Variants in PLCD3 observed in about 807,000 individuals in gnomAD.
The protein encoded by PLCD3 is phospholipase C delta 3, also known as 1-phosphatidylinositol 4,5-bisphosphate phosphodiesterase delta-3.
Under a neutral mutation model 82.8 loss-of-function variants are expected in PLCD3, and 62 were observed. The observed-to-expected ratio is 0.75, with a 90% CI of 0.61 to 0.93. The LOEUF is 0.93. Among genes scored for constraint, PLCD3 ranks in the 40% least tolerant of loss-of-function variants. The pLI is 0.00. For missense variants in PLCD3, 1,023 were observed against 1,103.4 expected (o/e 0.93, Z 1.03); for synonymous variants, 478 against 471.8 (o/e 1.01, Z -0.17).
At chr17:45,114,982 G>C in intron 10 of PLCD3, 112 bp downstream of exon 10, 1 of 1,406,372 alleles carries the variant, frequency 7.1e-7, no homozygotes, top group Non-Finnish European at 9.5e-7. Flanking sequence ...CCCTCTTTGG[G>C]GTCCTCTTGA....
Position 45,118,830 on chromosome 17 carries a change from C to T in PLCD3, c.898G>A (p.Glu300Lys). Residue 300 changes from glutamate to lysine, a missense_variant, in exon 5 of 15, where the codon GAG becomes AAG. Around this residue, in one of 3 missense-constraint regions of PLCD3, gnomAD observed 448 missense variants for 406.3 expected, o/e 1.10. Transcript: ENST00000619929. The surrounding 1 kb of genome is among the most constrained non-coding windows in gnomAD (Gnocchi z 4.1). ...CCCCCCCCACCTGTCTCGTTGAGCT[C>T]ATAGGTCTGAATGAGCTGCTGGGCG... ...ARAQQLIQTYELNETAKQHEL... is the reference protein window; with the variant it reads ...ARAQQLIQTYKLNETAKQHEL... 6.2e-7 allele frequency: 1 copy of T among 1,609,260 alleles called. No homozygotes were observed. Among genetic ancestry groups the T allele is most frequent in the Non-Finnish European group, 8.5e-7 (1 of 1,178,100 alleles).
chr17:45,118,894 G>A lies in PLCD3; in HGVS notation c.834C>T (p.Phe278=). The change falls in exon 5 of 15, where the codon TTC becomes TTT. Residue 278 remains phenylalanine, a synonymous_variant. Coordinates refer to ENST00000619929, the MANE Select transcript of PLCD3 (RefSeq NM_133373.5). This position sits in a 1 kb window ranked among gnomAD's most constrained non-coding sequence, Gnocchi z 4.1. ...CGCCCTCCTCGCCCTGGTCCTCCAG[G>A]AACTCCAGCAGCTCAGGGGCACTCA... The part of the protein sequence containing the change: ...RVLSAPELLE[F]LEDQGEEGAT... 1 of 1,612,576 alleles carries A rather than the reference G, an allele frequency of 6.2e-7. No individual in the cohort carries two copies. Among genetic ancestry groups the A allele is most frequent in the Non-Finnish European group, 8.5e-7 (1 of 1,179,842 alleles).
intron 1 of PLCD3, among the ~76,000 whole-genome samples, chr17:45,131,606 G>A (rs1485819618): frequency 6.6e-6 from 1 of 152,240 alleles, no homozygotes; most frequent in Admixed American, 6.5e-5. Context: ...GGAAGTCGAG[G>A]AAGATTGCAA....
intron 1 of PLCD3, among the ~76,000 whole-genome samples, chr17:45,129,620 C>G (rs2054405119): frequency 6.6e-6 from 1 of 152,252 alleles, no homozygotes; most frequent in Non-Finnish European, 1.5e-5. Flanking sequence ...ATGAGGACAG[C>G]ACCTCCCGCA....
intron 14 of PLCD3, 22 bp from the exon 15 acceptor site, chr17:45,112,726 C>A: frequency 6.3e-7 from 1 of 1,596,332 alleles, no homozygotes; most frequent in East Asian, 2.3e-5. Context: ...ACAGCCAGGC[C>A]TCAGGTCCTC....
chr17:45,119,919 G>C (rs896362183), intron 4 of PLCD3, among the ~76,000 whole-genome samples: 7 of 152,244 alleles, frequency 4.6e-5, no homozygotes, highest in African/African-American at 1.7e-4. Flanking sequence ...CATGCATGAG[G>C]TGCCAACACG....
At chr17:45,116,170 C>T (rs1266097542) in intron 8 of PLCD3, among the ~76,000 whole-genome samples, 1 of 152,158 alleles carries the variant, frequency 6.6e-6, no homozygotes, top group African/African-American at 2.4e-5. Context: ...GCTCTGGTGT[C>T]TGGGGGAGAG....
chr17:45,127,900 A>C (rs900755523), intron 1 of PLCD3, among the ~76,000 whole-genome samples: 3 of 152,008 alleles, frequency 2.0e-5, no homozygotes, highest in African/African-American at 7.3e-5. Flanking sequence ...CGCACTCGGG[A>C]GGTGCACACA....
chr17:45,121,186 C>A (rs2143573501), intron 2 of PLCD3, 25 bp downstream of exon 2: 1 of 1,548,644 alleles, frequency 6.5e-7, no homozygotes, highest in East Asian at 2.4e-5. Flanking sequence ...CCTCCCTGTC[C>A]GCCCGGCGCT....
In PLCD3 at chr17:45,120,882, T is replaced by A; in HGVS notation, c.554+20A>T. 7.1e-7 allele frequency: 1 copy of A among 1,413,132 alleles called. No individual in the cohort carries two copies. Among genetic ancestry groups the A allele is most frequent in the African/African-American group, 1.5e-5 (1 of 67,010 alleles). 87.5% of individuals were successfully genotyped at this position (1,413,132 alleles called of 1,614,324 possible). A position where few individuals can be genotyped will look rare whatever the true frequency, so the allele number is the denominator to read the frequency against. ...GGCTCTCCAAGGATGGGGCCCTCCC[T>A]CCCAGCCCCGGCAGGATATTGGTCT... On this transcript the variant is annotated intron_variant, in intron 3 of 14. Transcript: ENST00000619929.
At chr17:45,123,430 T>C (rs1364601685) in intron 1 of PLCD3, among the ~76,000 whole-genome samples, 1 of 152,218 alleles carries the variant, frequency 6.6e-6, no homozygotes, top group African/African-American at 2.4e-5. Context: ...CTCACCACAG[T>C]GCTCATCCCA....
chr17:45,113,119 C>T lies in PLCD3; in HGVS notation c.2131+3G>A, dbSNP rs1239994480. 1.2e-6 allele frequency: 2 copies of T among 1,613,382 alleles called. No individual in the cohort carries two copies. Among genetic ancestry groups the T allele is most frequent in the Non-Finnish European group, 1.7e-6 (2 of 1,179,724 alleles). ...AACCCCACTTCCGCCAGTGGCTGCC[C>T]ACCATTGTTGAGCACGTAGTCAGTC... On this transcript the variant is annotated splice_donor_region_variant and intron_variant, in intron 13 of 14. Coordinates refer to ENST00000619929, the MANE Select transcript of PLCD3 (RefSeq NM_133373.5).
At chr17:45,113,372 CCACCTCACAA>C in intron 12 of PLCD3, 57 bp downstream of exon 12, 1 of 1,555,580 alleles carries the variant, frequency 6.4e-7, no homozygotes, top group Non-Finnish European at 8.7e-7. Flanking sequence ...TTGCCTTCCT[CCACCTCACAA>C]AGAGCCTTTC....
In PLCD3 at chr17:45,113,151, C is replaced by A. The variant is rs202146937; in HGVS notation, c.2102G>T (p.Arg701Leu). ...EIHGVPADCA[R>L]QETDYVLNNG... ...GTTGAGCACGTAGTCAGTCTCCTGCCGGGCACAGTCTGCGGGCACCCCATG... is the reference window on the plus strand; with the variant it reads ...GTTGAGCACGTAGTCAGTCTCCTGCAGGGCACAGTCTGCGGGCACCCCATG... The change falls in exon 13 of 15, where the codon CGG (arginine) becomes CTG (leucine). Residue 701 changes from arginine to leucine, a missense_variant. Arg to Leu is a moderately radical substitution (Grantham distance 102, BLOSUM62 -2). Coordinates refer to ENST00000619929, the MANE Select transcript of PLCD3 (RefSeq NM_133373.5). 4 of 1,613,342 alleles carry A rather than the reference C, an allele frequency of 2.5e-6. No homozygotes were observed. In the East Asian group the frequency reaches 8.9e-5, roughly 36 times the overall value.
rs398030937 is a variant in PLCD3 at position 45,126,347 on chromosome 17, A to ATTTTTTT, written c.164-4982_164-4976dup. Among the ~76,000 whole-genome samples the ATTTTTTT allele has an allele frequency of 4.6e-4, 36 of 79,066 alleles. 6 individuals are homozygous for ATTTTTTT. Among genetic ancestry groups the ATTTTTTT allele is most frequent in the African/African-American group, 1.4e-3 (23 of 16,620 alleles). 51.9% of individuals were successfully genotyped at this position (79,066 alleles called of 152,430 possible). On this transcript the variant is annotated intron_variant, in intron 1 of 14. Coordinates refer to ENST00000619929, the MANE Select transcript of PLCD3 (RefSeq NM_133373.5). ...AGGCATGAGCCACTGCGCCCAGCCT[A>ATTTTTTT]TTTTTTTTTTTTTTTTTTTTTTTTG... is the stretch of plus-strand genomic sequence containing the variant.
intron 1 of PLCD3, among the ~76,000 whole-genome samples, chr17:45,128,119 T>A (rs2143593394): frequency 6.6e-6 from 1 of 152,138 alleles, no homozygotes; most frequent in South Asian, 2.1e-4. Context: ...ACCAAGCATG[T>A]CCCCCGTGAC....
chr17:45,129,760 G>A (rs532660605), intron 1 of PLCD3, among the ~76,000 whole-genome samples: 1 of 152,312 alleles, frequency 6.6e-6, no homozygotes, highest in East Asian at 1.9e-4. Context: ...CCGCAGCCCA[G>A]CCCAGGAGCG....
intron 2 of PLCD3, 31 bp from the exon 3 acceptor site, chr17:45,121,161 C>T (rs745870486): frequency 1.3e-6 from 2 of 1,521,362 alleles, no homozygotes; most frequent in Non-Finnish European, 1.8e-6. Context: ...GGGCGGAGGA[C>T]CGGGCCTGTC....
At chr17:45,121,900 T>C (rs1203788276) in intron 1 of PLCD3, among the ~76,000 whole-genome samples, 1 of 150,046 alleles carries the variant, frequency 6.7e-6, no homozygotes, top group Non-Finnish European at 1.5e-5. Context: ...GAGGTTGCCA[T>C]GAGCCAAGAT....
Sources: gnomAD v4.1 joint callset for allele counts (sites outside exome capture counted in the v4.1 genomes callset) on GRCh38, gnomAD v4.1.1 for gene constraint, gnomAD v4.1.1 regional missense constraint, Gnocchi (gnomAD v3.1) non-coding constraint, MANE v1.5 for transcripts, NCBI Gene and HGNC (gene_info 2026-07-23, HGNC 2026-07-21) for gene names.